The following TANC1 variants were observed in gnomAD, a reference collection of about 807,000 sequenced individuals.
The protein encoded by TANC1 is protein TANC1.
In TANC1, 77 loss-of-function variants were observed where a neutral mutation model predicts 149.7. The observed-to-expected ratio is 0.51, with a 90% CI of 0.43 to 0.62. TANC1 has a LOEUF of 0.62. TANC1 is among the 20% of genes least tolerant of loss of function. The pLI, the probability that TANC1 is intolerant of heterozygous loss-of-function variation, is 0.00. For missense variants in TANC1, 1,985 were observed against 2,321.8 expected (o/e 0.85, Z 2.98); for synonymous variants, 854 against 925.0 (o/e 0.92, Z 1.39).
intron 6 of TANC1, 71 bp from the exon 7 acceptor site, chr2:159,150,299 A>T: frequency 7.6e-7 from 1 of 1,307,478 alleles, no homozygotes; most frequent in African/African-American, 1.5e-5. Context: ...TTGTTTTAGC[A>T]CAAAAACAAA....
intron 2 of TANC1, among the ~76,000 whole-genome samples, chr2:159,057,259 G>C (rs920537383): frequency 6.6e-6 from 1 of 152,148 alleles, no homozygotes; most frequent in Non-Finnish European, 1.5e-5. Flanking sequence ...CATCTACAGG[G>C]CTATCCTGAA....
rs1043349164 is a variant in TANC1 at position 159,001,357 on chromosome 2, C to T, written c.-16+168C>T. 1.3e-5 allele frequency among the ~76,000 whole-genome samples: 2 copies of T among 152,148 alleles called. No individual in the cohort carries two copies. Among genetic ancestry groups the T allele is most frequent in the Admixed American group, 1.3e-4 (2 of 15,274 alleles). Reference sequence around the variant, plus strand: ...CCAGCGCCTCCAGGGGAGAGAAGCCCTGTCAAAAGCAGAGATAGGGGAGTT... The same window carrying T: ...CCAGCGCCTCCAGGGGAGAGAAGCCTTGTCAAAAGCAGAGATAGGGGAGTT... On this transcript the variant is annotated intron_variant, in intron 2 of 26. Transcript: ENST00000263635. The surrounding 1 kb of genome is among the most constrained non-coding windows in gnomAD (Gnocchi z 4.3).
rs1277416917 is a variant in TANC1 at position 159,230,630 on chromosome 2, A to G, written c.5204A>G (p.Gln1735Arg). Residue 1735 changes from glutamine (Q) to arginine (R), a missense_variant, in exon 27 of 27, where the codon CAG becomes CGG. Coordinates refer to ENST00000263635, the MANE Select transcript of TANC1 (RefSeq NM_033394.3). The surrounding 1 kb of genome is among the most constrained non-coding windows in gnomAD (Gnocchi z 4.4). ...GIMDKTARFQ[Q>R]QSNPPSRSWH... Reference sequence around the variant, plus strand: ...ATGGATAAGACTGCGAGGTTCCAACAGCAGAGCAATCCTCCAAGCCGCAGC... The same window carrying G: ...ATGGATAAGACTGCGAGGTTCCAACGGCAGAGCAATCCTCCAAGCCGCAGC... The G allele has an allele frequency of 6.2e-7, 1 of 1,614,224 alleles. No homozygotes were observed. Among genetic ancestry groups the G allele is most frequent in the Non-Finnish European group, 8.5e-7 (1 of 1,180,046 alleles).
intron 4 of TANC1, 133 bp from the exon 5 acceptor site, chr2:159,136,061 C>G: frequency 2.1e-6 from 1 of 467,448 alleles, no homozygotes; most frequent in Non-Finnish European, 3.8e-6. Flanking sequence ...CGCGCGCGCG[C>G]GTTTAAGGGA....
chr2:158,999,246 C>T (rs1329993906), intron 1 of TANC1, among the ~76,000 whole-genome samples: 3 of 152,076 alleles, frequency 2.0e-5, no homozygotes, highest in African/African-American at 7.2e-5. Flanking sequence ...TCTGCAGCTC[C>T]CTGGGGCCCT....
chr2:159,221,364 G>A (rs1018573723), intron 22 of TANC1, among the ~76,000 whole-genome samples: 3 of 152,002 alleles, frequency 2.0e-5, no homozygotes, highest in Non-Finnish European at 4.4e-5. Flanking sequence ...CTGGGCAACA[G>A]AGTGAGACTC....
intron 1 of TANC1, among the ~76,000 whole-genome samples, chr2:158,996,344 T>C (rs2036133386): frequency 1.3e-5 from 2 of 152,224 alleles, no homozygotes; most frequent in Admixed American, 1.3e-4. Flanking sequence ...TGGGTGACAG[T>C]GACAGCCTGT....
chr2:159,176,529 ATTCTCAAATCT>A lies in TANC1; in HGVS notation c.1902+17_1902+27del. 1 of 1,581,748 alleles carries A rather than the reference ATTCTCAAATCT, an allele frequency of 6.3e-7. No homozygotes were observed. Among genetic ancestry groups the A allele is most frequent in the Non-Finnish European group, 8.6e-7 (1 of 1,167,618 alleles). ...AGAGCAAATTTTCAGGTAACAAAGA[ATTCTCAAATCT>A]TTCTCCAAGTCCCCATTCCAATTTT... On this transcript the variant is annotated intron_variant, in intron 13 of 26. Transcript: ENST00000263635.
intron 4 of TANC1, among the ~76,000 whole-genome samples, chr2:159,129,995 T>C (rs1192733656): frequency 2.0e-5 from 3 of 151,996 alleles, no homozygotes; most frequent in African/African-American, 7.3e-5. Context: ...TTGAAGCCTG[T>C]GCACGTTACA....
At position 159,097,660 on chromosome 2, in the gene TANC1, TCTC is replaced by T. The variant is rs1352640470; in HGVS notation, c.87_89del (p.Pro30del). On this transcript the variant is annotated inframe_deletion, in exon 4 of 27. Transcript: ENST00000263635. ...AGGAAGTGACTTTGGTCCAGAGACT[TCTC>T]CAGTCCTGCACCTTGACCACAGTGC... is the stretch of plus-strand genomic sequence containing the variant. The T allele has an allele frequency of 6.2e-7, 1 of 1,614,042 alleles. No homozygotes were observed. Among genetic ancestry groups the T allele is most frequent in the Non-Finnish European group, 8.5e-7 (1 of 1,179,920 alleles).
intron 4 of TANC1, among the ~76,000 whole-genome samples, chr2:159,115,760 T>G (rs2048180389): frequency 6.6e-6 from 1 of 152,214 alleles, no homozygotes; most frequent in African/African-American, 2.4e-5. Flanking sequence ...CTGTTGTGCC[T>G]CATGACTTTG....
intron 2 of TANC1, among the ~76,000 whole-genome samples, chr2:159,002,747 G>A (rs577902807): frequency 6.6e-6 from 1 of 152,316 alleles, no homozygotes; most frequent in East Asian, 1.9e-4. Flanking sequence ...TTCTTTTACT[G>A]TCTTGCTGGT....
chr2:159,063,467 T>C (rs1474494795), intron 2 of TANC1, among the ~76,000 whole-genome samples: 1 of 152,200 alleles, frequency 6.6e-6, no homozygotes, highest in Non-Finnish European at 1.5e-5. Context: ...TGACTTTGTA[T>C]AGCTCCACTC....
chr2:159,112,501 A>G (rs1433511266), intron 4 of TANC1, among the ~76,000 whole-genome samples: 1 of 150,262 alleles, frequency 6.7e-6, no homozygotes, highest in Non-Finnish European at 1.5e-5. Context: ...GGTGATCTGC[A>G]CGCCTCGGCC....
chr2:159,143,620 C>A (rs530220822), intron 5 of TANC1, among the ~76,000 whole-genome samples: 8 of 140,766 alleles, frequency 5.7e-5, no homozygotes, highest in Admixed American at 5.0e-4. Flanking sequence ...GGCTGGGTAT[C>A]AGAGAAGAAT....
At chr2:159,011,531 T>G (rs2037760750) in intron 2 of TANC1, among the ~76,000 whole-genome samples, 1 of 100,752 alleles carries the variant, frequency 9.9e-6, no homozygotes. Flanking sequence ...CCTTAAATTT[T>G]TTTTTTTTTT....
intron 2 of TANC1, chr2:159,004,252 A>G (rs2036919203): frequency 6.2e-7 from 1 of 1,612,072 alleles, no homozygotes; most frequent in South Asian, 1.1e-5. Context: ...GAAGACATTG[A>G]TGAGGAAGAT....
At chr2:158,971,303 G>A (rs773648648) in intron 1 of TANC1, among the ~76,000 whole-genome samples, 1 of 152,090 alleles carries the variant, frequency 6.6e-6, no homozygotes. Context: ...ACTTTATGTC[G>A]TTGTTTCCAT....
chr2:158,989,510 T>C (rs964130421), intron 1 of TANC1, among the ~76,000 whole-genome samples: 4 of 149,996 alleles, frequency 2.7e-5, no homozygotes, highest in African/African-American at 9.9e-5. Flanking sequence ...CTTGGAAGGC[T>C]GAGGTGGGAG....
Sources: allele counts gnomAD v4.1 joint callset (sites outside exome capture counted in the v4.1 genomes callset), GRCh38; gene constraint gnomAD v4.1.1; non-coding constraint Gnocchi (gnomAD v3.1); transcripts MANE v1.5; gene names NCBI Gene and HGNC (gene_info 2026-07-23, HGNC 2026-07-21).